Variants in HIP1 observed in about 807,000 individuals in gnomAD.
HIP1 encodes the protein huntingtin-interacting protein 1.
A neutral mutation model predicts 147.6 loss-of-function variants in HIP1; 65 were observed. The ratio of observed to expected loss-of-function variants is 0.44; its 90% CI spans 0.36 to 0.54. The LOEUF (loss-of-function observed/expected upper bound fraction) is 0.54. HIP1 is among the 20% of genes least tolerant of loss of function. The probability of loss-of-function intolerance (pLI) is 0.00; values close to 1 mark genes in which losing one functional copy is unlikely to be tolerated. For synonymous variants in HIP1, 479 were observed against 504.0 expected (o/e 0.95, Z 0.67); for missense variants, 1,061 against 1,299.6 (o/e 0.82, Z 2.82).
intron 1 of HIP1, among the ~76,000 whole-genome samples, chr7:75,682,850 G>T (rs1554517106): frequency 6.6e-6 from 1 of 152,166 alleles, no homozygotes; most frequent in Non-Finnish European, 1.5e-5. Flanking sequence ...GCGCTGGAGG[G>T]ACTGTGTGCT....
intron 1 of HIP1, among the ~76,000 whole-genome samples, chr7:75,629,511 C>T (rs1798142225): frequency 1.3e-5 from 2 of 151,864 alleles, no homozygotes; most frequent in African/African-American, 2.4e-5. Flanking sequence ...CATTGTGCAT[C>T]CTGTATTTCC....
chr7:75,559,703 G>GGCC, intron 14 of HIP1, 29 bp downstream of exon 14: 6 of 1,195,138 alleles, frequency 5.0e-6, no homozygotes, highest in East Asian at 2.6e-5. Flanking sequence ...TGCCCCCGGG[G>GGCC]CCCGCCCCCG....
intron 25 of HIP1, 34 bp downstream of exon 25, chr7:75,546,905 C>G (rs1554491138): frequency 6.8e-7 from 1 of 1,462,730 alleles, no homozygotes; most frequent in Non-Finnish European, 9.4e-7. Context: ...ACCAATGCCT[C>G]CTCTTCCTGC....
chr7:75,648,770 C>A (rs1798885029), intron 1 of HIP1, among the ~76,000 whole-genome samples: 1 of 151,942 alleles, frequency 6.6e-6, no homozygotes, highest in Admixed American at 6.6e-5. Flanking sequence ...AGACACCCTG[C>A]CCAGAGAGCA....
intron 1 of HIP1, among the ~76,000 whole-genome samples, chr7:75,649,204 A>C (rs1554511566): frequency 6.6e-6 from 1 of 152,068 alleles, no homozygotes; most frequent in Admixed American, 6.6e-5. Flanking sequence ...TTGTATTTTT[A>C]GTAGAGACGG....
intron 23 of HIP1, 23 bp from the exon 24 acceptor site, chr7:75,547,836 C>T: frequency 6.2e-7 from 1 of 1,603,774 alleles, no homozygotes; most frequent in South Asian, 1.1e-5. Flanking sequence ...AGCATGGTTT[C>T]TAAATGTGCC....
At chr7:75,583,770 GT>G in intron 5 of HIP1, among the ~76,000 whole-genome samples, 1 of 147,986 alleles carries the variant, frequency 6.8e-6, no homozygotes, top group South Asian at 2.2e-4. Flanking sequence ...GTGTGTGTGT[GT>G]GTGTGTGTGT....
chr7:75,639,280 A>AG (rs1199587535), intron 1 of HIP1: 919 of 7,428 alleles, frequency 0.12, 16 homozygotes, highest in African/African-American at 0.28. Context: ...GGGGAGGGGG[A>AG]GGGGGGCGGG....
chr7:75,681,416 T>C (rs1344745227), intron 1 of HIP1, among the ~76,000 whole-genome samples: 3 of 151,420 alleles, frequency 2.0e-5, no homozygotes, highest in Non-Finnish European at 2.9e-5. Context: ...GTCCTTTGGA[T>C]CTCAGCCAAA....
chr7:75,631,981 G>A (rs782280253), intron 1 of HIP1, among the ~76,000 whole-genome samples: 1 of 152,122 alleles, frequency 6.6e-6, no homozygotes, highest in Non-Finnish European at 1.5e-5. Context: ...GGGAGGGGCT[G>A]TCTTAAAACC....
intron 5 of HIP1, among the ~76,000 whole-genome samples, chr7:75,584,693 C>T (rs1002920064): frequency 1.4e-4 from 21 of 152,062 alleles, no homozygotes; most frequent in Non-Finnish European, 5.9e-5. Context: ...CCCCTTTGGC[C>T]TCTATCAGCC....
Position 75,557,763 on chromosome 7 carries a change from T to C in HIP1, c.1472A>G (p.Glu491Gly). The change falls in exon 16 of 31, where the codon GAG (glutamate) becomes GGG (glycine). Residue 491 changes from glutamate (E) to glycine (G), a missense_variant. Transcript: ENST00000336926. ...NHADLLRKNA[E>G]VTKQVSMARQ... ...GGCCATGGACACCTGTTTGGTCACC[T>C]CTGCATTCTGCAAAAGAAGAACAGT... 6.2e-7 allele frequency: 1 copy of C among 1,611,274 alleles called. No individual in the cohort carries two copies. The highest frequency in any genetic ancestry group is 1.1e-5 in the South Asian group (1 of 91,040).
chr7:75,663,231 G>A (rs181496577), intron 1 of HIP1, among the ~76,000 whole-genome samples: 103 of 152,198 alleles, frequency 6.8e-4, no homozygotes, highest in Non-Finnish European at 1.3e-3. Flanking sequence ...GGAAGATCCC[G>A]GACAGCGTCT....
chr7:75,548,796 G>T, intron 23 of HIP1, 95 bp downstream of exon 23: 1 of 955,816 alleles, frequency 1.0e-6, no homozygotes, highest in Non-Finnish European at 1.7e-6. Context: ...GGTTGCCATG[G>T]CCTTAATGAA....
chr7:75,605,632 G>T (rs1225291121), intron 1 of HIP1, among the ~76,000 whole-genome samples: 2 of 151,914 alleles, frequency 1.3e-5, no homozygotes, highest in Non-Finnish European at 2.9e-5. Flanking sequence ...TCCTGGGTTC[G>T]AGTGATTCTC....
intron 1 of HIP1, among the ~76,000 whole-genome samples, chr7:75,608,994 G>T (rs782079171): frequency 6.6e-6 from 1 of 152,168 alleles, no homozygotes; most frequent in Non-Finnish European, 1.5e-5. Context: ...GTGTGCTAAG[G>T]AAAGTGGGGA....
intron 1 of HIP1, 40 bp from the exon 2 acceptor site, chr7:75,599,287 G>A (rs781870461): frequency 1.9e-5 from 29 of 1,495,190 alleles, no homozygotes; most frequent in Non-Finnish European, 2.6e-5. Context: ...AGGATGAGAT[G>A]AATAAGCCTC....
chr7:75,566,971 G>C (rs1329155013), intron 9 of HIP1, among the ~76,000 whole-genome samples: 1 of 151,076 alleles, frequency 6.6e-6, no homozygotes, highest in Non-Finnish European at 1.5e-5. Flanking sequence ...AATTAGTCGG[G>C]CATGGTGGTG....
At chr7:75,727,953 A>C (rs1437150251) in intron 1 of HIP1, among the ~76,000 whole-genome samples, 1 of 152,148 alleles carries the variant, frequency 6.6e-6, no homozygotes, top group Non-Finnish European at 1.5e-5. Flanking sequence ...ATACAGAAAG[A>C]AAGTATAAAA....
Sources: allele counts gnomAD v4.1 joint callset (sites outside exome capture counted in the v4.1 genomes callset), GRCh38; gene constraint gnomAD v4.1.1; transcripts MANE v1.5; gene names NCBI Gene and HGNC (gene_info 2026-07-23, HGNC 2026-07-21).